The following RNF138 variants were observed in gnomAD, a reference collection of about 807,000 sequenced individuals.
RNF138 encodes the protein ring finger protein 138.
Under a neutral mutation model 31.0 loss-of-function variants are expected in RNF138, and 12 were observed. The observed-to-expected ratio is 0.39, with a 90% CI of 0.25 to 0.63. The LOEUF (loss-of-function observed/expected upper bound fraction) is 0.63. Among genes scored for constraint, RNF138 ranks in the 20% least tolerant of loss-of-function variants. The pLI is 0.52. For missense variants in RNF138, 192 were observed against 300.1 expected (o/e 0.64, Z 2.66); for synonymous variants, 105 against 99.5 (o/e 1.06, Z -0.33).
intron 2 of RNF138, among the ~76,000 whole-genome samples, chr18:32,108,640 A>T (rs2040075602): frequency 1.3e-5 from 2 of 151,852 alleles, no homozygotes; most frequent in Admixed American, 1.3e-4. Context: ...TTTCTAGCAA[A>T]TTTTTTCTGA....
rs149908906 is a variant in RNF138, at chr18:32,103,658, T to G, written c.111-8096T>G. Among the ~76,000 whole-genome samples the G allele has an allele frequency of 4.6e-5, 7 of 152,218 alleles. No individual in the cohort carries two copies. The East Asian group carries it at 1.4e-3, about 29-fold the overall frequency. On this transcript the variant is annotated intron_variant, in intron 2 of 7. Coordinates refer to ENST00000261593, the MANE Select transcript of RNF138 (RefSeq NM_016271.5). ...AAAAATTTTTTTAGACAAGAGTACA[T>G]GTTGAGCTTTTGAAAACTTCATGGG...
In RNF138 at chr18:32,126,102, C is replaced by T. The variant is rs561521234; in HGVS notation, c.562-591C>T. On this transcript the variant is annotated intron_variant, in intron 6 of 7. Transcript: ENST00000261593. ...GTTTTTAAGATGTACTTCATTTAAA[C>T]GTAAGGATATGGCTGGGTGTGGTGG... 1.3e-4 allele frequency among the ~76,000 whole-genome samples: 19 copies of T among 151,982 alleles called. No individual in the cohort carries two copies. In the South Asian group the frequency reaches 1.7e-3, roughly 13 times the overall value.
Position 32,111,875 on chromosome 18 carries a change from A to G in RNF138, c.232A>G (p.Ile78Val), listed in dbSNP as rs200018900. The change falls in exon 3 of 8, where the codon ATA becomes GTA. Residue 78 changes from isoleucine to valine, a missense_variant. By Grantham distance (29) the Ile-to-Val change is conservative. Transcript: ENST00000261593. ...TGAACGGGCCTTAGACCTTGAAAAT[A>G]TAATGAGGAAGTTTTCTGGTAGCTG... ...CPERALDLEN[I>V]MRKFSGSCRC... 520 of 1,613,482 alleles carry G rather than the reference A, an allele frequency of 3.2e-4. 6 individuals are homozygous for G. In the South Asian group the frequency reaches 5.3e-3, roughly 16 times the overall value.
chr18:32,092,776 C>T lies in RNF138; in HGVS notation c.-1C>T. ...ATCGCCTTGTTTCCCCATCCCCCGCCATGGCCGAGGACCTCTCTGCGGCCA... is the reference window on the plus strand; with the variant it reads ...ATCGCCTTGTTTCCCCATCCCCCGCTATGGCCGAGGACCTCTCTGCGGCCA... On this transcript the variant is annotated 5_prime_UTR_variant, in exon 2 of 8. Transcript: ENST00000261593. 1 of 1,568,830 alleles carries T rather than the reference C, an allele frequency of 6.4e-7. No individual in the cohort carries two copies. The highest frequency in any genetic ancestry group is 8.6e-7 in the Non-Finnish European group (1 of 1,159,328).
In RNF138 at chr18:32,111,802, T is replaced by C; in HGVS notation, c.159T>C (p.His53=). 6.2e-7 allele frequency: 1 copy of C among 1,613,756 alleles called. No individual in the cohort carries two copies. The highest frequency in any genetic ancestry group is 8.5e-7 in the Non-Finnish European group (1 of 1,179,846). Residue 53 remains histidine, a synonymous_variant, in exon 3 of 8, where the codon CAT becomes CAC. Coordinates refer to ENST00000261593, the MANE Select transcript of RNF138 (RefSeq NM_016271.5). The part of the protein sequence containing the change: ...FLTAMRESGA[H]CPLCRGNVTR... Reference sequence around the variant, plus strand: ...CTGCAATGAGGGAAAGCGGAGCACATTGTCCCCTATGTCGTGGAAATGTGA... The same window carrying C: ...CTGCAATGAGGGAAAGCGGAGCACACTGTCCCCTATGTCGTGGAAATGTGA...
intron 4 of RNF138, among the ~76,000 whole-genome samples, chr18:32,116,682 G>C (rs1303862134): frequency 6.6e-6 from 1 of 151,934 alleles, no homozygotes; most frequent in Non-Finnish European, 1.5e-5. Flanking sequence ...CTCCCATGTA[G>C]CTAGGACCAT....
At chr18:32,093,848 G>C (rs931294748) in intron 2 of RNF138, among the ~76,000 whole-genome samples, 1 of 152,210 alleles carries the variant, frequency 6.6e-6, no homozygotes, top group Non-Finnish European at 1.5e-5. Flanking sequence ...CTGATGATCA[G>C]AGTCCCCGGG....
intron 2 of RNF138, among the ~76,000 whole-genome samples, chr18:32,105,418 A>T (rs2144583129): frequency 6.6e-6 from 1 of 152,340 alleles, no homozygotes; most frequent in South Asian, 2.1e-4. Context: ...TCAGCAGTAG[A>T]TAAATGACTA....
In RNF138 at chr18:32,092,718, GCCA is replaced by G; in HGVS notation, c.-56_-54del. The G allele has an allele frequency of 8.9e-7, 1 of 1,118,094 alleles. No homozygotes were observed. The highest frequency in any genetic ancestry group is 1.3e-6 in the Non-Finnish European group (1 of 767,500). The allele number at this position is 1,118,094 out of a possible 1,614,324, so 69.3% of individuals were successfully genotyped here. A position where few individuals can be genotyped will look rare whatever the true frequency, so the allele number is the denominator to read the frequency against. ...CATGTAGGGAGTCGGGCCCCGGGCC[GCCA>G]CCGTCACCTCGGCCGCTGCCGCTGT... On this transcript the variant is annotated 5_prime_UTR_variant, in exon 2 of 8. Coordinates refer to ENST00000261593, the MANE Select transcript of RNF138 (RefSeq NM_016271.5).
intron 6 of RNF138, among the ~76,000 whole-genome samples, chr18:32,125,774 TAAAG>T (rs1302061579): frequency 2.6e-5 from 4 of 151,398 alleles, no homozygotes; most frequent in African/African-American, 7.3e-5. Flanking sequence ...TATTTAAAAA[TAAAG>T]AAAATAAAAA....
rs112355865 is a variant in RNF138 at position 32,106,548 on chromosome 18, T to TTTA, written c.111-5204_111-5203insATT. Among the ~76,000 whole-genome samples the TTTA allele has an allele frequency of 6.1e-5, 9 of 146,916 alleles. No homozygotes were observed. The East Asian group carries it at 1.0e-3, about 17-fold the overall frequency. ...AGTTGAAAAATTATTTTTTATTTTA[T>TTTA]TTTATTTATTTATTTATTTATTTAT... is the stretch of plus-strand genomic sequence containing the variant. On this transcript the variant is annotated intron_variant, in intron 2 of 7. Coordinates refer to ENST00000261593, the MANE Select transcript of RNF138 (RefSeq NM_016271.5).
chr18:32,126,898 T>C, intron 7 of RNF138, 98 bp downstream of exon 7: 1 of 690,952 alleles, frequency 1.4e-6, no homozygotes, highest in Non-Finnish European at 2.6e-6. Flanking sequence ...AGCTGTTGTA[T>C]CTTACTGGAT....
chr18:32,101,036 A>G (rs1237571470), intron 2 of RNF138, among the ~76,000 whole-genome samples: 1 of 152,094 alleles, frequency 6.6e-6, no homozygotes, highest in Non-Finnish European at 1.5e-5. Flanking sequence ...AGGAAGTGAT[A>G]TTGTTGCTGA....
chr18:32,113,487 T>C (rs549802201), intron 3 of RNF138, among the ~76,000 whole-genome samples: 6 of 152,194 alleles, frequency 3.9e-5, no homozygotes, highest in Non-Finnish European at 2.9e-5. Context: ...TGGTAGTGTC[T>C]TTTCAAGTGT....
chr18:32,117,555 G>A (rs150787039), intron 4 of RNF138, among the ~76,000 whole-genome samples: 33 of 152,270 alleles, frequency 2.2e-4, no homozygotes, highest in Non-Finnish European at 2.9e-4. Flanking sequence ...AATTCATACT[G>A]TTTATTATAC....
chr18:32,094,657 C>T (rs1192714542), intron 2 of RNF138, among the ~76,000 whole-genome samples: 1 of 151,978 alleles, frequency 6.6e-6, no homozygotes, highest in African/African-American at 2.4e-5. Context: ...GATCTTCCAC[C>T]TTTAATCTAG....
At chr18:32,124,973 T>A (rs188564988) in intron 6 of RNF138, 128 bp downstream of exon 6, 1 of 587,360 alleles carries the variant, frequency 1.7e-6, no homozygotes, top group Non-Finnish European at 3.1e-6. Context: ...TAAGGTAGAT[T>A]TTTGTCAACA....
chr18:32,103,229 G>A (rs774509376), intron 2 of RNF138, among the ~76,000 whole-genome samples: 5 of 152,022 alleles, frequency 3.3e-5, no homozygotes, highest in Non-Finnish European at 7.4e-5. Flanking sequence ...TGTTGCCCAG[G>A]CTGGAGTACA....
intron 2 of RNF138, among the ~76,000 whole-genome samples, chr18:32,103,939 T>C (rs1025008427): frequency 1.3e-5 from 2 of 149,688 alleles, no homozygotes; most frequent in East Asian, 4.0e-4. Context: ...CACTCCAGCC[T>C]GGGCGACAGA....
Sources: allele counts gnomAD v4.1 joint callset (sites outside exome capture counted in the v4.1 genomes callset), GRCh38; gene constraint gnomAD v4.1.1; transcripts MANE v1.5; gene names NCBI Gene and HGNC (gene_info 2026-07-23, HGNC 2026-07-21).